The following DIAPH3 variants were observed in gnomAD, a reference collection of about 807,000 sequenced individuals.
DIAPH3 encodes protein diaphanous homolog 3.
In DIAPH3, 117 loss-of-function variants were observed where a neutral mutation model predicts 144.3. The ratio of observed to expected loss-of-function variants is 0.81; its 90% CI spans 0.70 to 0.95. DIAPH3 has a LOEUF of 0.95. Ranked by LOEUF, DIAPH3 falls within the 40% of genes least tolerant of loss-of-function variation. The pLI is 0.00. For missense variants in DIAPH3, 1,421 were observed against 1,412.7 expected (o/e 1.01, Z -0.09); for synonymous variants, 519 against 488.9 (o/e 1.06, Z -0.81).
intron 12 of DIAPH3, among the ~76,000 whole-genome samples, chr13:59,990,788 T>C (rs979149660): frequency 4.6e-5 from 7 of 151,990 alleles, no homozygotes; most frequent in African/African-American, 1.7e-4. Flanking sequence ...ACTTAAACAC[T>C]AATAAAAGCA....
intron 3 of DIAPH3, among the ~76,000 whole-genome samples, chr13:60,103,864 T>C (rs1267802423): frequency 1.3e-5 from 2 of 152,216 alleles, no homozygotes; most frequent in Admixed American, 6.5e-5. Flanking sequence ...TGTAATTCTG[T>C]TCTTAACTAC....
chr13:60,025,538 AGAG>A (rs2054321924), intron 5 of DIAPH3, among the ~76,000 whole-genome samples: 1 of 152,032 alleles, frequency 6.6e-6, no homozygotes, highest in Admixed American at 6.6e-5. Flanking sequence ...GACAGTGGTA[AGAG>A]GAGAACCAAG....
At chr13:59,805,259 G>A (rs1390525909) in intron 25 of DIAPH3, among the ~76,000 whole-genome samples, 1 of 152,008 alleles carries the variant, frequency 6.6e-6, no homozygotes. Flanking sequence ...TAAAAATGAT[G>A]TGAATCAACC....
chr13:59,870,426 C>G (rs2044188677), intron 21 of DIAPH3, among the ~76,000 whole-genome samples: 1 of 150,648 alleles, frequency 6.6e-6, no homozygotes, highest in Non-Finnish European at 1.5e-5. Flanking sequence ...CAACTTAGTT[C>G]TTCTTCTTCA....
At chr13:59,980,455 G>A (rs189658641) in intron 14 of DIAPH3, among the ~76,000 whole-genome samples, 21 of 151,568 alleles carry the variant, frequency 1.4e-4, no homozygotes, top group Middle Eastern at 3.4e-3. Flanking sequence ...AATTGTTCCT[G>A]GTGCAGGGAT....
intron 27 of DIAPH3, among the ~76,000 whole-genome samples, chr13:59,738,486 T>C (rs2036275463): frequency 6.6e-6 from 1 of 152,106 alleles, no homozygotes; most frequent in Non-Finnish European, 1.5e-5. Context: ...GCTTAAGAAC[T>C]GTCTTACTCC....
chr13:60,161,621 CCTA>C (rs1198522108), intron 1 of DIAPH3, among the ~76,000 whole-genome samples: 4 of 152,178 alleles, frequency 2.6e-5, no homozygotes, highest in Non-Finnish European at 4.4e-5. Flanking sequence ...TCTCTGGAAT[CCTA>C]CAGGTGAAGA....
At chr13:59,961,569 T>C (rs2049762681) in intron 17 of DIAPH3, among the ~76,000 whole-genome samples, 1 of 152,228 alleles carries the variant, frequency 6.6e-6, no homozygotes, top group Non-Finnish European at 1.5e-5. Context: ...GAGGGTGAAC[T>C]GCTGTGGGGC....
intron 4 of DIAPH3, among the ~76,000 whole-genome samples, chr13:60,059,135 A>G (rs2056670755): frequency 6.6e-6 from 1 of 152,014 alleles, no homozygotes; most frequent in Non-Finnish European, 1.5e-5. Flanking sequence ...TAATGGTTAA[A>G]AAACTAAAAA....
intron 20 of DIAPH3, among the ~76,000 whole-genome samples, chr13:59,897,726 C>A (rs1487453503): frequency 6.8e-6 from 1 of 147,680 alleles, no homozygotes; most frequent in Non-Finnish European, 1.5e-5. Context: ...CCAGCCTGGG[C>A]AACAGGGTAA....
At chr13:60,108,509 G>A (rs1043720564) in intron 3 of DIAPH3, among the ~76,000 whole-genome samples, 2 of 152,072 alleles carry the variant, frequency 1.3e-5, no homozygotes, top group Admixed American at 6.5e-5. Flanking sequence ...TCAGGAGGCT[G>A]AAGCAGGGAT....
rs555644009 is a variant in DIAPH3, at chr13:59,843,135, C to A, written c.2738-3687G>T. Among the ~76,000 whole-genome samples the A allele has an allele frequency of 5.9e-5, 9 of 152,268 alleles. No homozygotes were observed. In the East Asian group the frequency reaches 1.4e-3, roughly 23 times the overall value. On this transcript the variant is annotated intron_variant, in intron 22 of 27. Transcript: ENST00000400324. Reference sequence around the variant, plus strand: ...TGTCTTTAGTCACTACATTAACATACAAAATATGTGTCACTCAGGAAATTC... The same window carrying A: ...TGTCTTTAGTCACTACATTAACATAAAAAATATGTGTCACTCAGGAAATTC...
intron 1 of DIAPH3, among the ~76,000 whole-genome samples, chr13:60,136,663 C>T (rs962555331): frequency 2.6e-5 from 4 of 152,022 alleles, no homozygotes; most frequent in Admixed American, 6.6e-5. Flanking sequence ...CTGCCGGGCG[C>T]GGCGGCTCAC....
intron 1 of DIAPH3, among the ~76,000 whole-genome samples, chr13:60,156,515 A>C (rs922028127): frequency 6.6e-6 from 1 of 152,126 alleles, no homozygotes; most frequent in African/African-American, 2.4e-5. Context: ...GGCCCAAAGA[A>C]GAGATGAAAG....
At chr13:60,045,022 G>C (rs1414971285) in intron 4 of DIAPH3, among the ~76,000 whole-genome samples, 1 of 152,192 alleles carries the variant, frequency 6.6e-6, no homozygotes, top group Non-Finnish European at 1.5e-5. Context: ...GAAACTGTGA[G>C]TACATTAAAC....
chr13:59,969,619 T>G (rs796469856), intron 17 of DIAPH3, among the ~76,000 whole-genome samples: 11 of 152,280 alleles, frequency 7.2e-5, no homozygotes, highest in African/African-American at 2.6e-4. Flanking sequence ...TTTCTATTTT[T>G]CAAACTGAAG....
At chr13:59,705,190 CA>C (rs59907018) in intron 27 of DIAPH3, among the ~76,000 whole-genome samples, 2 of 148,854 alleles carry the variant, frequency 1.3e-5, no homozygotes, top group Non-Finnish European at 1.5e-5. Flanking sequence ...AACAGACCGG[CA>C]AAAAAAAATA....
At chr13:59,737,604 C>G (rs563741210) in intron 27 of DIAPH3, among the ~76,000 whole-genome samples, 2 of 152,126 alleles carry the variant, frequency 1.3e-5, no homozygotes, top group Non-Finnish European at 2.9e-5. Context: ...CCCCAACATA[C>G]GTGGACTTAT....
At chr13:59,889,423 T>G (rs905177406) in intron 20 of DIAPH3, among the ~76,000 whole-genome samples, 1 of 152,126 alleles carries the variant, frequency 6.6e-6, no homozygotes, top group Non-Finnish European at 1.5e-5. Flanking sequence ...AATTTAGTTA[T>G]TGAACTTTTC....
Sources: gnomAD v4.1 joint callset for allele counts (sites outside exome capture counted in the v4.1 genomes callset) on GRCh38, gnomAD v4.1.1 for gene constraint, MANE v1.5 for transcripts, NCBI Gene and HGNC (gene_info 2026-07-23, HGNC 2026-07-21) for gene names.